ACP6: variants seen among roughly 807,000 people sequenced by gnomAD.
The protein encoded by ACP6 is lysophosphatidic acid phosphatase type 6.
In ACP6, 48 loss-of-function variants were observed where a neutral mutation model predicts 48.1. The observed-to-expected ratio is 1.00, with a 90% CI of 0.79 to 1.27. ACP6 has a LOEUF of 1.27. Among genes scored for constraint, ACP6 ranks in the 50% most tolerant of loss-of-function variants. The pLI, the probability that ACP6 is intolerant of heterozygous loss-of-function variation, is 0.00. For synonymous variants in ACP6, 172 were observed against 204.2 expected (o/e 0.84, Z 1.34); for missense variants, 485 against 529.1 (o/e 0.92, Z 0.82).
At chr1:147,631,043 G>A (rs1553207304) in exon 6 of ACP6, 1 of 152,110 alleles carries the variant, frequency 6.6e-6, no homozygotes, top group African/African-American at 2.4e-5. Flanking sequence ...CTTCATTCCT[G>A]TTATGCTTGC....
rs1660175771 is a variant in ACP6, at chr1:147,655,058, A to G, written c.647+103T>C. On this transcript the variant is annotated intron_variant, in intron 5 of 9. Transcript: ENST00000583509. ...TAAACCTTCCCATCCATTATTCGCC[A>G]GTAGGGTAAGCCTGGACAGGCCCTC... 2.9e-5 allele frequency: 26 copies of G among 887,776 alleles called. 1 individual carries two copies. In the South Asian group the frequency reaches 3.9e-4, roughly 13 times the overall value. The allele number at this position is 887,776 out of a possible 1,614,324, so 55.0% of individuals were successfully genotyped here. A position where few individuals can be genotyped will look rare whatever the true frequency, so the allele number is the denominator to read the frequency against.
chr1:147,658,827 G>T, intron 4 of ACP6, 133 bp downstream of exon 4: 1 of 805,262 alleles, frequency 1.2e-6, no homozygotes, highest in East Asian at 2.5e-5. Context: ...CACTGGACTA[G>T]GTACACACTG....
chr1:147,635,138 A>G (rs587645903), intron 5 of ACP6, among the ~76,000 whole-genome samples: 76 of 152,232 alleles, frequency 5.0e-4, no homozygotes, highest in South Asian at 2.5e-3. Flanking sequence ...TTGCCTTTGT[A>G]TTTTGGTTCT....
At position 147,652,439 on chromosome 1, in the gene ACP6, A is replaced by T. The variant is rs1553210704; in HGVS notation, c.881+10T>A. On this transcript the variant is annotated intron_variant, in intron 7 of 9. Transcript: ENST00000583509. ...AGCGTGACTTCATGCCAGCAGTGAG[A>T]GCCCCTCACCTGTCTTCCTTGGGCA... 3.1e-6 allele frequency: 5 copies of T among 1,606,828 alleles called. No individual in the cohort carries two copies.
At chr1:147,637,175 T>A (rs1189955688) in intron 5 of ACP6, among the ~76,000 whole-genome samples, 5 of 152,170 alleles carry the variant, frequency 3.3e-5, no homozygotes, top group African/African-American at 1.2e-4. Context: ...TGACTCTGAC[T>A]CAAACTGTTC....
At position 147,642,603 on chromosome 1, in the gene ACP6, A is replaced by C. The variant is rs892780225; in HGVS notation, c.*4820T>G. ...TGAGGGTATGGCCCATTAGGAAGCCACTGTGGTAACCTAGGAGGGTGGCCT... is the reference window on the plus strand; with the variant it reads ...TGAGGGTATGGCCCATTAGGAAGCCCCTGTGGTAACCTAGGAGGGTGGCCT... On this transcript the variant is annotated 3_prime_UTR_variant, in exon 10 of 10. Transcript: ENST00000583509. 3 of 152,174 alleles carry C rather than the reference A, an allele frequency of 2.0e-5. No individual in the cohort carries two copies. The highest frequency in any genetic ancestry group is 4.8e-5 in the African/African-American group (2 of 41,392). The allele number at this position is 152,174 out of a possible 1,614,324, so 9.4% of individuals were successfully genotyped here.
chr1:147,634,432 T>TA (rs1659248306), intron 5 of ACP6, among the ~76,000 whole-genome samples: 1 of 13,258 alleles, frequency 7.5e-5, no homozygotes, highest in Admixed American at 1.3e-3. Context: ...CTTTGATGCC[T>TA]AAAAGTTTTT....
At chr1:147,661,300 C>G (rs1168109264) in intron 1 of ACP6, among the ~76,000 whole-genome samples, 1 of 135,676 alleles carries the variant, frequency 7.4e-6, no homozygotes, top group Non-Finnish European at 1.5e-5. Flanking sequence ...AGGCATATAC[C>G]ATCATGCCCA....
At position 147,633,110 on chromosome 1, in the gene ACP6, T is replaced by C. The variant is rs140810161; in HGVS notation, c.461-2045A>G. Among the ~76,000 whole-genome samples, 669 of 152,308 alleles carry C rather than the reference T, an allele frequency of 4.4e-3. 6 individuals are homozygous for C. The highest frequency in any genetic ancestry group is 0.015 in the African/African-American group (637 of 41,568). ...GGGAGCCCATTCTATTGAACATCAT[T>C]AGCTCTAATATTTAGAAAATTCTGC... On this transcript the variant is annotated intron_variant, in intron 5 of 5. Transcript: ENST00000609196.
intron 1 of ACP6, among the ~76,000 whole-genome samples, chr1:147,660,779 T>G (rs1272557646): frequency 6.6e-6 from 1 of 152,246 alleles, no homozygotes; most frequent in Non-Finnish European, 1.5e-5. Flanking sequence ...GACAAATAAT[T>G]GTATATTGTA....
At position 147,659,522 on chromosome 1, in the gene ACP6, C is replaced by T; in HGVS notation, c.353G>A (p.Gly118Asp). The T allele has an allele frequency of 3.1e-6, 5 of 1,613,762 alleles. No homozygotes were observed. The highest frequency in any genetic ancestry group is 2.2e-5 in the East Asian group (1 of 44,888). The change falls in exon 3 of 10, where the codon GGC becomes GAC. Residue 118 changes from glycine to aspartate, a missense_variant. Transcript: ENST00000583509. ...SQYHETTLKG[G>D]MFAGQLTKVG... ...CTTGGTCAGCTGCCCAGCAAACATGCCCCCCTAAAGTAGGGAAGAAAGAGA... is the reference window on the plus strand; with the variant it reads ...CTTGGTCAGCTGCCCAGCAAACATGTCCCCCTAAAGTAGGGAAGAAAGAGA...
At chr1:147,664,598 T>A (rs1570980942) in intron 1 of ACP6, among the ~76,000 whole-genome samples, 1 of 152,166 alleles carries the variant, frequency 6.6e-6, no homozygotes, top group Non-Finnish European at 1.5e-5. Context: ...AGAGACTCGG[T>A]CATCTATTGA....
At position 147,670,082 on chromosome 1, in the gene ACP6, C is replaced by T; in HGVS notation, c.-34G>A. 1 of 1,462,442 alleles carries T rather than the reference C, an allele frequency of 6.8e-7. No homozygotes were observed. The highest frequency in any genetic ancestry group is 9.1e-7 in the Non-Finnish European group (1 of 1,099,190). 90.6% of individuals were successfully genotyped at this position (1,462,442 alleles called of 1,614,324 possible). On this transcript the variant is annotated 5_prime_UTR_variant, in exon 1 of 10. Coordinates refer to ENST00000583509, the MANE Select transcript of ACP6 (RefSeq NM_016361.5). ...GCCCTCGCTGCCCTCCGGGTTGAGG[C>T]TGCAGGAGGCAAACACAAGTCTTCT...
downstream of ACP6, among the ~76,000 whole-genome samples, chr1:147,639,780 T>C (rs1367273484): frequency 1.3e-5 from 2 of 152,170 alleles, no homozygotes; most frequent in Admixed American, 1.3e-4. Context: ...TCCTTACATC[T>C]TTCCCCTACC....
chr1:147,635,583 GAGA>G (rs1553207888), intron 5 of ACP6, among the ~76,000 whole-genome samples: 1 of 152,198 alleles, frequency 6.6e-6, no homozygotes, highest in Non-Finnish European at 1.5e-5. Context: ...GGAAGTTGGG[GAGA>G]AGTCCTTGTT....
At position 147,659,748 on chromosome 1, in the gene ACP6, C is replaced by A; in HGVS notation, c.247G>T (p.Val83Phe). The A allele has an allele frequency of 6.2e-7, 1 of 1,614,012 alleles. No homozygotes were observed. The highest frequency in any genetic ancestry group is 8.5e-7 in the Non-Finnish European group (1 of 1,180,024). Reference protein sequence around the residue: ...QVEWNPQLLEVPPQTQFDYTV... With the variant: ...QVEWNPQLLEFPPQTQFDYTV... The stretch of plus-strand genomic sequence containing the variant: ...TAATCAAACTGAGTTTGGGGTGGGA[C>A]CTCTAATAGCTGGGGGTTCCACTCT... The change falls in exon 2 of 10, where the codon GTC (valine) becomes TTC (phenylalanine). Residue 83 changes from valine to phenylalanine, a missense_variant. Transcript: ENST00000583509.
At chr1:147,655,020 C>T in intron 5 of ACP6, 141 bp downstream of exon 5, 2 of 646,496 alleles carry the variant, frequency 3.1e-6, no homozygotes, top group Non-Finnish European at 5.3e-6. Context: ...TGATGTCACA[C>T]TTAAGTGTAA....
At position 147,650,159 on chromosome 1, in the gene ACP6, C is replaced by T; in HGVS notation, c.961G>A (p.Ala321Thr). ...GCCAGGTACCTGATCTTGTCGGGGG[C>T]AGTGGCAGAGTCCATGGCTTTCAGC... The part of the protein sequence containing the change: ...NLLKAMDSAT[A>T]PDKIRKLYLY... The change falls in exon 8 of 10, where the codon GCC becomes ACC. Residue 321 changes from alanine to threonine, a missense_variant. Coordinates refer to ENST00000583509, the MANE Select transcript of ACP6 (RefSeq NM_016361.5). 1 of 1,606,522 alleles carries T rather than the reference C, an allele frequency of 6.2e-7. No individual in the cohort carries two copies. The highest frequency in any genetic ancestry group is 8.5e-7 in the Non-Finnish European group (1 of 1,176,708).
chr1:147,666,999 C>T (rs781999330), intron 1 of ACP6, among the ~76,000 whole-genome samples: 1 of 152,130 alleles, frequency 6.6e-6, no homozygotes, highest in Admixed American at 6.5e-5. Context: ...AGGAATCTCC[C>T]TGGGTGGAGG....
Sources: allele counts gnomAD v4.1 joint callset (sites outside exome capture counted in the v4.1 genomes callset), GRCh38; gene constraint gnomAD v4.1.1; transcripts MANE v1.5; gene names NCBI Gene and HGNC (gene_info 2026-07-23, HGNC 2026-07-21).